PDE1C: variants seen among roughly 807,000 people sequenced by gnomAD.
PDE1C encodes the protein phosphodiesterase 1C, also known as dual specificity calcium/calmodulin-dependent 3',5'-cyclic nucleotide phosphodiesterase 1C.
Under a neutral mutation model 93.1 loss-of-function variants are expected in PDE1C, and 62 were observed. The observed-to-expected ratio is 0.67, with a 90% CI of 0.54 to 0.82. The LOEUF (loss-of-function observed/expected upper bound fraction) is 0.82. Among genes scored for constraint, PDE1C ranks in the 40% least tolerant of loss-of-function variants. The pLI, the probability that PDE1C is intolerant of heterozygous loss-of-function variation, is 0.00. For synonymous variants in PDE1C, 325 were observed against 310.1 expected, an observed-to-expected ratio of 1.05 and a Z score of -0.50; for missense variants, 742 against 884.6, an observed-to-expected ratio of 0.84 and a Z score of 2.04.
intron 1 of PDE1C, among the ~76,000 whole-genome samples, chr7:32,218,081 T>TGA (rs1806558627): frequency 6.6e-6 from 1 of 152,206 alleles, no homozygotes; most frequent in Non-Finnish European, 1.5e-5. Flanking sequence ...ACCAGCCTCA[T>TGA]TGCCATGAAA....
chr7:32,391,997 A>G (rs1784759183), intron 1 of PDE1C, among the ~76,000 whole-genome samples: 1 of 152,066 alleles, frequency 6.6e-6, no homozygotes, highest in Non-Finnish European at 1.5e-5. Context: ...TATCCATGAA[A>G]TAGAAGATAG....
At chr7:32,225,022 T>TAA (rs58376421) in intron 1 of PDE1C, among the ~76,000 whole-genome samples, 1 of 100,810 alleles carries the variant, frequency 9.9e-6, no homozygotes, top group Non-Finnish European at 2.5e-5. Context: ...CTTTCTTATT[T>TAA]AAAAAAAAAA....
At chr7:31,886,235 C>G (rs1219389869) in intron 2 of PDE1C, among the ~76,000 whole-genome samples, 1 of 152,204 alleles carries the variant, frequency 6.6e-6, no homozygotes, top group African/African-American at 2.4e-5. Flanking sequence ...TTTCATACAC[C>G]TGCCTCCTCC....
the PDE1C span, among the ~76,000 whole-genome samples, chr7:31,687,618 A>C: frequency 6.6e-6 from 1 of 152,258 alleles, no homozygotes; most frequent in African/African-American, 2.4e-5. Flanking sequence ...AAGTACAGAA[A>C]GTATGCTTCT....
intron 2 of PDE1C, among the ~76,000 whole-genome samples, chr7:32,023,016 T>A (rs1316586778): frequency 6.6e-6 from 1 of 151,776 alleles, no homozygotes; most frequent in Non-Finnish European, 1.5e-5. Flanking sequence ...TTGCTCCCAC[T>A]CTTCCTCTTT....
intron 2 of PDE1C, among the ~76,000 whole-genome samples, chr7:32,188,314 C>T (rs899437828): frequency 2.0e-5 from 3 of 152,032 alleles, no homozygotes; most frequent in Non-Finnish European, 4.4e-5. Flanking sequence ...GGCAAGCTGC[C>T]TTCAATTTTT....
chr7:31,911,618 G>A (rs1583922942), intron 2 of PDE1C, among the ~76,000 whole-genome samples: 1 of 152,152 alleles, frequency 6.6e-6, no homozygotes, highest in African/African-American at 2.4e-5. Flanking sequence ...CAGCCTGGGA[G>A]GCTTCCCTTT....
chr7:32,328,625 C>T (rs1055190520), intron 1 of PDE1C, among the ~76,000 whole-genome samples: 14 of 152,196 alleles, frequency 9.2e-5, no homozygotes, highest in African/African-American at 3.4e-4. Context: ...TGGAACACAA[C>T]CCCATCCTCC....
At chr7:31,921,524 A>G (rs1374781715) in intron 2 of PDE1C, among the ~76,000 whole-genome samples, 1 of 152,192 alleles carries the variant, frequency 6.6e-6, no homozygotes, top group Non-Finnish European at 1.5e-5. Flanking sequence ...CTGGAAACCA[A>G]GTCAAGAACC....
chr7:32,274,237 T>C (rs1270515496), intron 1 of PDE1C, among the ~76,000 whole-genome samples: 1 of 151,534 alleles, frequency 6.6e-6, no homozygotes, highest in Non-Finnish European at 1.5e-5. Flanking sequence ...AGACGGGCTC[T>C]TGCTCTGTCA....
chr7:31,618,130 T>C, the PDE1C span, among the ~76,000 whole-genome samples: 1 of 152,176 alleles, frequency 6.6e-6, no homozygotes, highest in Non-Finnish European at 1.5e-5. Context: ...ATCATTGTGA[T>C]AGGAGCAAGG....
intron 1 of PDE1C, among the ~76,000 whole-genome samples, chr7:32,373,849 G>A (rs547489837): frequency 5.9e-5 from 9 of 152,146 alleles, no homozygotes; most frequent in South Asian, 2.1e-4. Flanking sequence ...TTAGCCAGGC[G>A]TGGTGGCGTA....
intron 16 of PDE1C, among the ~76,000 whole-genome samples, chr7:31,804,880 G>A: frequency 6.6e-6 from 1 of 151,802 alleles, no homozygotes; most frequent in East Asian, 2.0e-4. Context: ...ACAAAGAGAT[G>A]ATTCACATCC....
the PDE1C span, among the ~76,000 whole-genome samples, chr7:31,630,108 G>T: frequency 6.6e-6 from 1 of 152,038 alleles, no homozygotes; most frequent in Middle Eastern, 3.4e-3. Flanking sequence ...ATAGGTACTT[G>T]TTTAATTCTT....
chr7:32,298,996 G>C, exon 1 of PDE1C: 2 of 1,269,774 alleles, frequency 1.6e-6, no homozygotes, highest in Non-Finnish European at 2.0e-6. Flanking sequence ...TTCCAGAGGC[G>C]GCGAGAGGAG....
At chr7:32,186,089 T>G (rs1803836664) in intron 2 of PDE1C, among the ~76,000 whole-genome samples, 1 of 16,914 alleles carries the variant, frequency 5.9e-5, no homozygotes, top group Non-Finnish European at 9.7e-5. Context: ...GTTTTTTTGT[T>G]TTTTTTTTTT....
At chr7:32,235,945 A>C (rs1808043918) in intron 1 of PDE1C, among the ~76,000 whole-genome samples, 2 of 152,132 alleles carry the variant, frequency 1.3e-5, no homozygotes, top group Non-Finnish European at 2.9e-5. Flanking sequence ...AGGGACAGAC[A>C]AATAATCAAC....
chr7:31,793,042 A>G (rs945788835), intron 16 of PDE1C, among the ~76,000 whole-genome samples: 1 of 152,070 alleles, frequency 6.6e-6, no homozygotes, highest in Non-Finnish European at 1.5e-5. Context: ...ATTCACAGAA[A>G]TGTATTTACT....
At chr7:32,408,395 A>G (rs1785100187) in intron 1 of PDE1C, among the ~76,000 whole-genome samples, 1 of 152,172 alleles carries the variant, frequency 6.6e-6, no homozygotes, top group Non-Finnish European at 1.5e-5. Context: ...GAAATCAGGA[A>G]CTTGGGATGC....
Sources: allele counts gnomAD v4.1 joint callset (sites outside exome capture counted in the v4.1 genomes callset), GRCh38; gene constraint gnomAD v4.1.1; transcripts MANE v1.5; gene names NCBI Gene and HGNC (gene_info 2026-07-23, HGNC 2026-07-21).